POLK: variants seen among roughly 807,000 people sequenced by gnomAD.
The protein encoded by POLK is DNA polymerase kappa, also known as polymerase (DNA directed) kappa.
Under a neutral mutation model 94.0 loss-of-function variants are expected in POLK, and 76 were observed. That is an observed-to-expected ratio of 0.81 (90% CI 0.67 to 0.98). POLK has a LOEUF of 0.98. POLK is among the 50% of genes least tolerant of loss of function. The pLI is 0.00. For synonymous variants in POLK, 349 were observed against 325.4 expected (o/e 1.07, Z -0.78); for missense variants, 954 against 1,010.1 (o/e 0.94, Z 0.75).
chr5:75,583,210 C>CTT, intron 7 of POLK, 83 bp from the exon 8 acceptor site: 2 of 1,021,114 alleles, frequency 2.0e-6, no homozygotes, highest in Non-Finnish European at 2.8e-6. Flanking sequence ...TTGCAATTAA[C>CTT]TTTTTTTTTC....
intron 5 of POLK, among the ~76,000 whole-genome samples, chr5:75,575,944 C>G (rs1213114351): frequency 1.3e-5 from 2 of 152,110 alleles, no homozygotes; most frequent in Non-Finnish European, 2.9e-5. Flanking sequence ...GGGTCTCACT[C>G]TGTCACCCAA....
upstream of POLK, chr5:75,511,009 G>A (rs911246289): frequency 3.6e-6 from 5 of 1,392,418 alleles, no homozygotes; most frequent in South Asian, 1.5e-5. Flanking sequence ...CTCGCACCCC[G>A]GCACGTTCCG....
exon 1 of POLK, chr5:75,511,905 G>C: frequency 7.5e-7 from 1 of 1,339,574 alleles, no homozygotes; most frequent in Non-Finnish European, 1.0e-6. Flanking sequence ...TCGCGATCCT[G>C]AGGTAACGGG....
intron 3 of POLK, among the ~76,000 whole-genome samples, chr5:75,560,479 C>G (rs186896175): frequency 6.6e-6 from 1 of 152,016 alleles, no homozygotes; most frequent in Non-Finnish European, 1.5e-5. Context: ...TGCTAGGACC[C>G]GAACCAAAGC....
At chr5:75,593,922 A>G in exon 12 of POLK, 3 of 1,604,780 alleles carry the variant, frequency 1.9e-6, no homozygotes, top group Non-Finnish European at 2.6e-6. Context: ...ATTTTGAAGT[A>G]AAAACTCGTG....
rs140150648 is a variant in POLK, at chr5:75,514,448, A to T, written c.-14+2534A>T. ...GTCAGACACCAAAGAACCAAATAAC[A>T]TCATAGCCTTTTGTAAGTAGCAATT... On this transcript the variant is annotated intron_variant, in intron 1 of 14. Coordinates refer to ENST00000241436, the Ensembl canonical transcript of POLK. Among the ~76,000 whole-genome samples, 1,148 of 152,332 alleles carry T rather than the reference A, an allele frequency of 7.5e-3. 3 individuals are homozygous for T. The highest frequency in any genetic ancestry group is 0.012 in the Non-Finnish European group (797 of 68,024).
chr5:75,573,764 A>T (rs1771723854), exon 5 of POLK: 2 of 1,613,126 alleles, frequency 1.2e-6, no homozygotes, highest in Non-Finnish European at 1.7e-6. Context: ...ATGCAAGGAG[A>T]TTTGGTGTTC....
the POLK span, among the ~76,000 whole-genome samples, chr5:75,606,951 G>T: frequency 6.6e-6 from 1 of 152,132 alleles, no homozygotes; most frequent in Non-Finnish European, 1.5e-5. Flanking sequence ...TTAAAGTGAG[G>T]TTAGTATTGC....
At chr5:75,547,056 A>G (rs117208807) in exon 2 of POLK, 16 of 1,536,972 alleles carry the variant, frequency 1.0e-5, no homozygotes, top group Middle Eastern at 1.7e-4. Context: ...TGACAGTTAC[A>G]AAGATGATCT....
At chr5:75,592,225 A>C (rs1476797066) in intron 11 of POLK, among the ~76,000 whole-genome samples, 3 of 152,202 alleles carry the variant, frequency 2.0e-5, no homozygotes, top group Admixed American at 1.3e-4. Context: ...TCTTACATTA[A>C]ATTGTTTGGC....
At chr5:75,538,355 A>C (rs1769558358) in intron 1 of POLK, among the ~76,000 whole-genome samples, 1 of 152,186 alleles carries the variant, frequency 6.6e-6, no homozygotes, top group Admixed American at 6.5e-5. Flanking sequence ...TTCTTTTATG[A>C]AAAAAATTAA....
chr5:75,517,547 C>T (rs1467392863), intron 1 of POLK, among the ~76,000 whole-genome samples: 2 of 152,134 alleles, frequency 1.3e-5, no homozygotes, highest in Non-Finnish European at 2.9e-5. Flanking sequence ...TTGGTGGAGT[C>T]TTTAGGGGTT....
chr5:75,541,979 AG>A (rs1455427700), intron 1 of POLK, among the ~76,000 whole-genome samples: 2 of 152,236 alleles, frequency 1.3e-5, no homozygotes, highest in Non-Finnish European at 2.9e-5. Flanking sequence ...GAAATTTTAA[AG>A]TAGATCATAT....
At chr5:75,580,219 A>T (rs5744665) in intron 6 of POLK, among the ~76,000 whole-genome samples, 179 of 152,126 alleles carry the variant, frequency 1.2e-3, no homozygotes, top group Non-Finnish European at 2.1e-3. Flanking sequence ...TAGAAATTTA[A>T]TTTTTTCTTC....
rs1299620773 is a variant in POLK at position 75,596,688 on chromosome 5, TG to T, written c.1996del (p.Ala666LeufsTer33). 1.2e-6 allele frequency: 2 copies of T among 1,613,898 alleles called. No homozygotes were observed. The highest frequency in any genetic ancestry group is 1.7e-6 in the Non-Finnish European group (2 of 1,179,898). The stretch of plus-strand genomic sequence containing the variant: ...AAATGTTCTCGTGTTCACATGTTTC[TG>T]CTACCAAAGTTAACAAGAAAGAAAA... On this transcript the variant is annotated frameshift_variant, in exon 13 of 15. Transcript: ENST00000241436. LOFTEE classifies it high-confidence loss of function.
At chr5:75,557,056 CTG>C in intron 3 of POLK, among the ~76,000 whole-genome samples, 1 of 152,168 alleles carries the variant, frequency 6.6e-6, no homozygotes, top group Admixed American at 6.5e-5. Context: ...GAATGAGACT[CTG>C]TCTCAAGAAA....
intron 8 of POLK, among the ~76,000 whole-genome samples, chr5:75,584,525 G>A (rs5744681): frequency 0.077 from 11,692 of 152,008 alleles, 537 homozygotes; most frequent in South Asian, 0.17. Flanking sequence ...AAAATTAGCC[G>A]GGTATGGTGG....
intron 1 of POLK, among the ~76,000 whole-genome samples, chr5:75,530,971 A>T (rs1327263098): frequency 6.6e-6 from 1 of 151,528 alleles, no homozygotes; most frequent in Non-Finnish European, 1.5e-5. Flanking sequence ...ATGCCCGGCT[A>T]ATTTTTTGTA....
At chr5:75,532,549 AC>A (rs766249425) in intron 1 of POLK, among the ~76,000 whole-genome samples, 3 of 152,236 alleles carry the variant, frequency 2.0e-5, no homozygotes, top group Non-Finnish European at 2.9e-5. Context: ...ATGAACAAGC[AC>A]ATGCATGTGT....
Sources: gnomAD v4.1 joint callset for allele counts (sites outside exome capture counted in the v4.1 genomes callset) on GRCh38, gnomAD v4.1.1 for gene constraint, MANE v1.5 for transcripts, NCBI Gene and HGNC (gene_info 2026-07-23, HGNC 2026-07-21) for gene names.